Variants in WNT11 observed in about 807,000 individuals in gnomAD.
The protein encoded by WNT11 is Wnt family member 11.
Under a neutral mutation model 35.6 loss-of-function variants are expected in WNT11, and 20 were observed. The ratio of observed to expected loss-of-function variants is 0.56; its 90% confidence interval spans 0.40 to 0.82. The LOEUF is 0.82. WNT11 is among the 40% of genes least tolerant of loss of function. The pLI is 0.00. For missense variants in WNT11, 459 were observed against 504.4 expected (o/e 0.91, Z 0.86); for synonymous variants, 200 against 211.9 (o/e 0.94, Z 0.49).
intron 1 of WNT11, among the ~76,000 whole-genome samples, chr11:76,198,685 T>C (rs1953326495): frequency 6.6e-6 from 1 of 152,222 alleles, no homozygotes; most frequent in Non-Finnish European, 1.5e-5. Context: ...CCTAGTCTAA[T>C]GGCTGGATAA....
chr11:76,200,214 A>C (rs147809266), intron 1 of WNT11, among the ~76,000 whole-genome samples: 7 of 152,206 alleles, frequency 4.6e-5, no homozygotes, highest in South Asian at 4.1e-4. Flanking sequence ...CCACCCCCTA[A>C]ACTATGAGTC....
intron 1 of WNT11, among the ~76,000 whole-genome samples, chr11:76,200,028 G>C (rs2031685353): frequency 1.3e-5 from 2 of 152,130 alleles, no homozygotes; most frequent in Non-Finnish European, 2.9e-5. Context: ...TACTCAATAG[G>C]TTCTTTCATT....
intron 1 of WNT11, among the ~76,000 whole-genome samples, chr11:76,201,307 G>A (rs1010123948): frequency 4.6e-5 from 7 of 152,232 alleles, no homozygotes; most frequent in South Asian, 2.1e-4. Flanking sequence ...GAGGCCACCC[G>A]CCCACAGGGG....
At chr11:76,206,599 G>C (rs1953479742), upstream of WNT11, 1 of 1,148,370 alleles carries the variant, frequency 8.7e-7, no homozygotes, top group Non-Finnish European at 1.1e-6. Flanking sequence ...CGGGGAGGCC[G>C]AGCGCGGCGG....
chr11:76,210,140 G>A (rs1235616400), upstream of WNT11, among the ~76,000 whole-genome samples: 1 of 151,796 alleles, frequency 6.6e-6, no homozygotes, highest in Non-Finnish European at 1.5e-5. Context: ...GAACGACTGG[G>A]AAGGAGGGGG....
In WNT11 at chr11:76,206,246, C is replaced by G. The variant is rs1003527464; in HGVS notation, c.83+79G>C. On this transcript the variant is annotated intron_variant, in intron 1 of 4. Transcript: ENST00000322563. Reference sequence around the variant, plus strand: ...AGGCTCCCGGGTCTTGGTGCGCTCGCCCCATCCAGGGGACCCCAAAACGCC... The same window carrying G: ...AGGCTCCCGGGTCTTGGTGCGCTCGGCCCATCCAGGGGACCCCAAAACGCC... 2.4e-6 allele frequency: 3 copies of G among 1,272,082 alleles called. No homozygotes were observed. In the African/African-American group the frequency reaches 4.7e-5, roughly 20 times the overall value. 78.8% of individuals were successfully genotyped at this position (1,272,082 alleles called of 1,614,324 possible).
chr11:76,188,402 C>A (rs1044336330), intron 4 of WNT11, among the ~76,000 whole-genome samples: 1 of 152,248 alleles, frequency 6.6e-6, no homozygotes, highest in Non-Finnish European at 1.5e-5. Flanking sequence ...ATGTGGGATG[C>A]GAAGACATTG....
upstream of WNT11, among the ~76,000 whole-genome samples, chr11:76,209,847 C>T (rs1953534200): frequency 1.3e-5 from 2 of 151,414 alleles, no homozygotes; most frequent in Admixed American, 6.6e-5. Context: ...CCAGATGTTC[C>T]GGGCGGTTGC....
At chr11:76,206,620 C>G (rs1008512868), upstream of WNT11, 3 of 1,061,172 alleles carry the variant, frequency 2.8e-6, no homozygotes, top group Non-Finnish European at 3.5e-6. Context: ...GCGTCCCCTC[C>G]CGCTCCGCCC....
rs530692881 is a variant in WNT11, at chr11:76,205,461, C to T, written c.83+864G>A. On this transcript the variant is annotated intron_variant, in intron 1 of 4. Transcript: ENST00000322563. Reference sequence around the variant, plus strand: ...AGCGCTTCAGTCACCAGAGGCACAGCCTCGGAAAAGCTTCCCGGTGTCTCA... The same window carrying T: ...AGCGCTTCAGTCACCAGAGGCACAGTCTCGGAAAAGCTTCCCGGTGTCTCA... 6.8e-4 allele frequency among the ~76,000 whole-genome samples: 103 copies of T among 152,328 alleles called. 1 individual carries two copies. Among genetic ancestry groups the T allele is most frequent in the African/African-American group, 2.4e-3 (101 of 41,572 alleles).
chr11:76,189,502 T>C (rs1475719725), intron 4 of WNT11, among the ~76,000 whole-genome samples: 1 of 152,164 alleles, frequency 6.6e-6, no homozygotes, highest in African/African-American at 2.4e-5. Flanking sequence ...TAGGCCTTGG[T>C]TTCCCCAGGT....
Position 76,194,444 on chromosome 11 carries a change from T to C in WNT11, c.597+123A>G. 1 of 1,163,096 alleles carries C rather than the reference T, an allele frequency of 8.6e-7. No homozygotes were observed. Among genetic ancestry groups the C allele is most frequent in the Non-Finnish European group, 1.2e-6 (1 of 837,130 alleles). 72.0% of individuals were successfully genotyped at this position (1,163,096 alleles called of 1,614,324 possible). A position where few individuals can be genotyped will look rare whatever the true frequency, so the allele number is the denominator to read the frequency against. On this transcript the variant is annotated intron_variant, in intron 3 of 4. Coordinates refer to ENST00000322563, the MANE Select transcript of WNT11 (RefSeq NM_004626.3). The surrounding 1 kb of genome is among the most constrained non-coding windows in gnomAD (Gnocchi z 5.4). ...GAGGATGAGGATGGTGCGAGGCACA[T>C]CAGGTGTGGGCCAGTCAGGGCCCGT...
chr11:76,206,267 A>G, intron 1 of WNT11, 58 bp downstream of exon 1: 1 of 1,357,538 alleles, frequency 7.4e-7, no homozygotes. Flanking sequence ...GGACCCCAAA[A>G]CGCCCTCCGC....
upstream of WNT11, among the ~76,000 whole-genome samples, chr11:76,208,044 C>T (rs1337882698): frequency 6.6e-6 from 1 of 152,200 alleles, no homozygotes; most frequent in Non-Finnish European, 1.5e-5. Flanking sequence ...ACGTTCTTAT[C>T]TGGCTCTGTG....
chr11:76,187,129 T>G lies in WNT11; in HGVS notation c.1001A>C (p.His334Pro), dbSNP rs1393289398. The G allele has an allele frequency of 1.9e-6, 3 of 1,612,500 alleles. No homozygotes were observed. Among genetic ancestry groups the G allele is most frequent in the Non-Finnish European group, 2.5e-6 (3 of 1,180,012 alleles). The change falls in exon 5 of 5, where the codon CAC becomes CCC. Residue 334 changes from histidine (H) to proline (P), a missense_variant. By Grantham distance (77) the His-to-Pro change is moderately conservative (BLOSUM62 -2). Transcript: ENST00000322563. Reference protein sequence around the residue: ...RVVERCHCKYHWCCYVTCRRC... With the variant: ...RVVERCHCKYPWCCYVTCRRC... ...GCGGCAGGTGACGTAGCAGCACCAG[T>G]GGTACTTACAGTGGCACCGCTCGAC...
At chr11:76,208,557 C>A (rs944731601), upstream of WNT11, among the ~76,000 whole-genome samples, 50 of 152,160 alleles carry the variant, frequency 3.3e-4, no homozygotes, top group African/African-American at 1.1e-3. Context: ...CACCGTCTTC[C>A]CCTCTCCCAA....
intron 4 of WNT11, 110 bp from the exon 5 acceptor site, chr11:76,187,349 G>T: frequency 1.9e-6 from 2 of 1,046,558 alleles, no homozygotes; most frequent in Non-Finnish European, 2.6e-6. Context: ...CACCGACTCA[G>T]CCCTTCTTAG....
chr11:76,197,861 C>A (rs1565194726), intron 1 of WNT11, among the ~76,000 whole-genome samples: 2 of 152,158 alleles, frequency 1.3e-5, no homozygotes, highest in Non-Finnish European at 2.9e-5. Flanking sequence ...AAGGACCCCA[C>A]AACCTTAAAG....
At chr11:76,195,640 G>A (rs1487918177) in intron 2 of WNT11, among the ~76,000 whole-genome samples, 1 of 152,202 alleles carries the variant, frequency 6.6e-6, no homozygotes, top group Non-Finnish European at 1.5e-5. Flanking sequence ...TTGGACAGCA[G>A]CCCTGGGAAA....
Sources: allele counts gnomAD v4.1 joint callset (sites outside exome capture counted in the v4.1 genomes callset), GRCh38; gene constraint gnomAD v4.1.1; non-coding constraint Gnocchi (gnomAD v3.1); transcripts MANE v1.5; gene names NCBI Gene and HGNC (gene_info 2026-07-23, HGNC 2026-07-21).